Variants in LARP4 observed in about 807,000 individuals in gnomAD.
The protein encoded by LARP4 is la-related protein 4.
LARP4 carries 29 observed loss-of-function variants against 92.9 expected under a neutral mutation model. The observed-to-expected ratio is 0.31, with a 90% CI of 0.23 to 0.43. LARP4 has a LOEUF of 0.43. Ranked by LOEUF, LARP4 falls within the 20% of genes least tolerant of loss-of-function variation. The pLI is 1.00. For missense variants in LARP4, 732 were observed against 860.0 expected, an observed-to-expected ratio of 0.85 and a Z score of 1.86; for synonymous variants, 279 against 284.1, an observed-to-expected ratio of 0.98 and a Z score of 0.18.
intron 11 of LARP4, 83 bp downstream of exon 11, chr12:50,461,430 A>G (rs1344043118): frequency 8.1e-7 from 1 of 1,229,402 alleles, no homozygotes; most frequent in East Asian, 2.5e-5. Flanking sequence ...CATAATAATT[A>G]AATGAGCATT....
At chr12:50,409,750 G>A (rs1945495716) in intron 1 of LARP4, among the ~76,000 whole-genome samples, 1 of 150,308 alleles carries the variant, frequency 6.7e-6, no homozygotes, top group Admixed American at 6.7e-5. Flanking sequence ...GGATGACATA[G>A]CAAGATTCTG....
intron 8 of LARP4, among the ~76,000 whole-genome samples, chr12:50,453,247 GT>G (rs916203477): frequency 6.6e-6 from 1 of 151,462 alleles, no homozygotes; most frequent in Non-Finnish European, 1.5e-5. Context: ...GGCGGGGGGG[GT>G]TTTACCTTGT....
At chr12:50,417,410 A>C (rs1947013351) in intron 1 of LARP4, among the ~76,000 whole-genome samples, 1 of 151,958 alleles carries the variant, frequency 6.6e-6, no homozygotes, top group African/African-American at 2.4e-5. Flanking sequence ...ATTGCTACTT[A>C]TACGTTCTTA....
intron 10 of LARP4, 41 bp from the exon 11 acceptor site, chr12:50,461,094 C>T (rs758727033): frequency 3.9e-6 from 6 of 1,530,936 alleles, no homozygotes; most frequent in East Asian, 2.2e-5. Flanking sequence ...TTTTCTGTCT[C>T]GATTTACTGC....
At chr12:50,466,405 A>G (rs2138884910) in intron 12 of LARP4, among the ~76,000 whole-genome samples, 1 of 152,216 alleles carries the variant, frequency 6.6e-6, no homozygotes, top group East Asian at 1.9e-4. Context: ...CTTAAGCTCA[A>G]GAGTTTGAGA....
At chr12:50,434,441 G>A (rs1950127550) in intron 4 of LARP4, among the ~76,000 whole-genome samples, 2 of 143,458 alleles carry the variant, frequency 1.4e-5, no homozygotes, top group African/African-American at 5.2e-5. Flanking sequence ...GTTTTGAGAT[G>A]GAGTTTCGCC....
intron 8 of LARP4, among the ~76,000 whole-genome samples, chr12:50,452,843 A>G (rs189009621): frequency 3.0e-4 from 45 of 152,206 alleles, no homozygotes. Flanking sequence ...TAGAGATACT[A>G]GTACCCTTGC....
intron 1 of LARP4, among the ~76,000 whole-genome samples, chr12:50,406,910 G>C (rs1442610422): frequency 1.3e-5 from 2 of 152,088 alleles, no homozygotes; most frequent in African/African-American, 2.4e-5. Context: ...TAGAGACGAG[G>C]TTTCGCCATG....
Position 50,409,475 on chromosome 12 carries a change from C to G in LARP4, c.18+8447C>G, listed in dbSNP as rs543344680. Among the ~76,000 whole-genome samples, 54 of 152,070 alleles carry G rather than the reference C, an allele frequency of 3.6e-4. No individual in the cohort carries two copies. In the South Asian group the frequency reaches 0.011, roughly 31 times the overall value. On this transcript the variant is annotated intron_variant, in intron 1 of 15. Transcript: ENST00000398473. ...TTGAGGCCAGGAGTTCAAGACCCAA[C>G]CAGGGCCAGGTGCAGTGGCTCATGC...
intron 10 of LARP4, among the ~76,000 whole-genome samples, chr12:50,460,849 A>G (rs747190222): frequency 2.2e-4 from 34 of 152,298 alleles, no homozygotes; most frequent in Non-Finnish European, 4.7e-4. Context: ...AGGCTGAGGC[A>G]GGAGAATGGC....
At chr12:50,446,340 T>G (rs1952069138) in intron 8 of LARP4, among the ~76,000 whole-genome samples, 1 of 13,708 alleles carries the variant, frequency 7.3e-5, no homozygotes, top group Non-Finnish European at 4.2e-4. Context: ...TCTCTCTCTC[T>G]CCCTCTCTCT....
rs1169785464 is a variant in LARP4 at position 50,477,103 on chromosome 12, C to A, written c.*1239C>A. 6.6e-6 allele frequency: 1 copy of A among 152,500 alleles called. No individual in the cohort carries two copies. The highest frequency in any genetic ancestry group is 6.6e-5 in the Admixed American group (1 of 15,260). 9.4% of individuals were successfully genotyped at this position (152,500 alleles called of 1,614,324 possible). ...CCTTCCTTCCCTCCTCTTCTCCCCCCACACCCAACAAAATACAGTTTGGAA... is the reference window on the plus strand; with the variant it reads ...CCTTCCTTCCCTCCTCTTCTCCCCCAACACCCAACAAAATACAGTTTGGAA... On this transcript the variant is annotated 3_prime_UTR_variant, in exon 16 of 16. Coordinates refer to ENST00000398473, the MANE Select transcript of LARP4 (RefSeq NM_052879.5).
intron 4 of LARP4, 75 bp from the exon 5 acceptor site, chr12:50,435,413 A>G (rs1333120398): frequency 1.1e-6 from 1 of 878,588 alleles, no homozygotes; most frequent in South Asian, 1.5e-5. Context: ...AAAAAGTAGG[A>G]AAAGTGAGTA....
At chr12:50,429,675 G>A (rs964153796) in intron 3 of LARP4, among the ~76,000 whole-genome samples, 10 of 152,212 alleles carry the variant, frequency 6.6e-5, no homozygotes, top group African/African-American at 1.9e-4. Flanking sequence ...GTCTCGCTCT[G>A]TTGCCCAGGC....
intron 3 of LARP4, among the ~76,000 whole-genome samples, chr12:50,429,456 A>C (rs1190937844): frequency 6.6e-6 from 1 of 152,106 alleles, no homozygotes; most frequent in East Asian, 1.9e-4. Flanking sequence ...ACTGAAAAAA[A>C]AAAATTAGCT....
rs71083569 is a variant in LARP4 at position 50,435,481 on chromosome 12, T to TA, written c.399-7_399-6insA. On this transcript the variant is annotated splice_polypyrimidine_tract_variant and splice_region_variant and intron_variant, in intron 4 of 15. Coordinates refer to ENST00000398473, the MANE Select transcript of LARP4 (RefSeq NM_052879.5). ...GCTTGTTTTATAGGACTATTTTGTT[T>TA]TTTCAGAGAAAATTTGTCAAAGGAT... 1.5e-6 allele frequency: 2 copies of TA among 1,370,380 alleles called. No homozygotes were observed. The highest frequency in any genetic ancestry group is 2.0e-6 in the Non-Finnish European group (2 of 1,025,388). 84.9% of individuals were successfully genotyped at this position (1,370,380 alleles called of 1,614,324 possible).
chr12:50,415,366 C>T (rs1191002504), intron 1 of LARP4, among the ~76,000 whole-genome samples: 2 of 152,026 alleles, frequency 1.3e-5, no homozygotes, highest in Non-Finnish European at 2.9e-5. Context: ...ATCAGGGACA[C>T]ATCAGATTTT....
chr12:50,427,938 TCA>T (rs966213016), intron 2 of LARP4, 29 bp downstream of exon 2: 8 of 1,502,580 alleles, frequency 5.3e-6, no homozygotes, highest in Non-Finnish European at 7.2e-6. Flanking sequence ...GTCATAAAAA[TCA>T]CAGTTTGGTT....
intron 4 of LARP4, among the ~76,000 whole-genome samples, chr12:50,433,979 T>C (rs1950059246): frequency 6.6e-6 from 1 of 152,234 alleles, no homozygotes; most frequent in Non-Finnish European, 1.5e-5. Context: ...CCTTTGAGCC[T>C]GCTCCTTGCC....
Sources: allele counts gnomAD v4.1 joint callset (sites outside exome capture counted in the v4.1 genomes callset), GRCh38; gene constraint gnomAD v4.1.1; transcripts MANE v1.5; gene names NCBI Gene and HGNC (gene_info 2026-07-23, HGNC 2026-07-21).